The following LNPK variants were observed in gnomAD, a reference collection of about 807,000 sequenced individuals.
The protein encoded by LNPK is lunapark, ER junction formation factor, also known as endoplasmic reticulum junction formation protein lunapark.
LNPK carries 29 observed loss-of-function variants against 55.2 expected under a neutral mutation model. The observed-to-expected ratio is 0.53, with a 90% confidence interval of 0.39 to 0.72. LNPK has a LOEUF of 0.72. Among genes scored for constraint, LNPK ranks in the 30% least tolerant of loss-of-function variants. LNPK has a pLI of 0.00. For missense variants in LNPK, 467 were observed against 494.8 expected (o/e 0.94, Z 0.53); for synonymous variants, 162 against 168.2 (o/e 0.96, Z 0.29).
At chr2:175,978,544 G>C (rs367768333) in intron 5 of LNPK, among the ~76,000 whole-genome samples, 53 of 152,204 alleles carry the variant, frequency 3.5e-4, no homozygotes, top group African/African-American at 1.1e-3. Flanking sequence ...TTTGGTAGGA[G>C]GCAGGTATTA....
intron 4 of LNPK, 122 bp from the exon 5 acceptor site, chr2:175,979,990 G>A (rs1328183720): frequency 5.6e-6 from 5 of 892,448 alleles, no homozygotes; most frequent in Non-Finnish European, 6.5e-6. Flanking sequence ...TTTATATACA[G>A]AAAACTAAAA....
intron 4 of LNPK, among the ~76,000 whole-genome samples, chr2:175,989,054 C>T (rs1024696356): frequency 3.3e-5 from 5 of 152,118 alleles, no homozygotes; most frequent in Non-Finnish European, 7.4e-5. Context: ...GGATTACAGG[C>T]GTGAGCCACC....
intron 5 of LNPK, 91 bp from the exon 6 acceptor site, chr2:175,970,895 T>G: frequency 1.7e-6 from 2 of 1,152,374 alleles, no homozygotes; most frequent in Non-Finnish European, 2.3e-6. Context: ...ACAAGAAAAC[T>G]TTCTTATTTT....
At position 175,926,665 on chromosome 2, in the gene LNPK, G is replaced by A. The variant is rs1415235217; in HGVS notation, c.*3302C>T. The A allele has an allele frequency of 2.0e-5, 3 of 152,176 alleles. No individual in the cohort carries two copies. The highest frequency in any genetic ancestry group is 7.2e-5 in the African/African-American group (3 of 41,418). The allele number at this position is 152,176 out of a possible 1,614,324, so 9.4% of individuals were successfully genotyped here. On this transcript the variant is annotated 3_prime_UTR_variant, in exon 13 of 13. Coordinates refer to ENST00000272748, the MANE Select transcript of LNPK (RefSeq NM_030650.3). ...ATAATATATATACAGCAGTTAGCAT[G>A]TTGCCTGGCACAGAATAAGAATGCA...
chr2:175,938,431 G>T, intron 10 of LNPK, 48 bp from the exon 11 acceptor site: 1 of 1,035,464 alleles, frequency 9.7e-7, no homozygotes, highest in Non-Finnish European at 1.4e-6. Flanking sequence ...TGCAAACAAA[G>T]CTCATGACAG....
At chr2:175,952,674 C>T (rs1685482260) in intron 8 of LNPK, among the ~76,000 whole-genome samples, 1 of 151,320 alleles carries the variant, frequency 6.6e-6, no homozygotes, top group Admixed American at 6.6e-5. Context: ...CTCTTCCTTC[C>T]TATAGAGGCA....
At chr2:175,949,813 G>A (rs1685314410) in intron 8 of LNPK, among the ~76,000 whole-genome samples, 1 of 152,156 alleles carries the variant, frequency 6.6e-6, no homozygotes, top group South Asian at 2.1e-4. Flanking sequence ...CAAGTATCAA[G>A]GGTTACAATA....
chr2:175,929,763 A>G lies in LNPK; in HGVS notation c.*204T>C, dbSNP rs2105505721. ...TGTGGGTCTTTGTACATTCAAAAGGATCTTACTTCACTGATATAACTTGCT... is the reference window on the plus strand; with the variant it reads ...TGTGGGTCTTTGTACATTCAAAAGGGTCTTACTTCACTGATATAACTTGCT... On this transcript the variant is annotated 3_prime_UTR_variant, in exon 13 of 13. Coordinates refer to ENST00000272748, the MANE Select transcript of LNPK (RefSeq NM_030650.3). The G allele has an allele frequency of 1.4e-6, 2 of 1,412,052 alleles. No individual in the cohort carries two copies. The highest frequency in any genetic ancestry group is 3.3e-5 in the South Asian group (2 of 61,234). The allele number at this position is 1,412,052 out of a possible 1,614,324, so 87.5% of individuals were successfully genotyped here.
intron 1 of LNPK, among the ~76,000 whole-genome samples, chr2:175,999,817 G>C (rs145600163): frequency 6.6e-6 from 1 of 152,256 alleles, no homozygotes; most frequent in African/African-American, 2.4e-5. Context: ...CCAGGCTGGA[G>C]TGCAGTGGCA....
intron 4 of LNPK, among the ~76,000 whole-genome samples, chr2:175,987,546 A>G (rs543024931): frequency 2.0e-5 from 3 of 152,262 alleles, no homozygotes; most frequent in African/African-American, 7.2e-5. Context: ...GCAGGGAGGG[A>G]TAGCATTAGG....
chr2:175,969,100 A>G (rs531041414), intron 6 of LNPK, among the ~76,000 whole-genome samples: 172 of 152,330 alleles, frequency 1.1e-3, no homozygotes, highest in African/African-American at 3.8e-3. Flanking sequence ...TCAAGATCAC[A>G]AACTAGTTCG....
At position 175,928,445 on chromosome 2, in the gene LNPK, T is replaced by C. The variant is rs1684107034; in HGVS notation, c.*1522A>G. ...CTACAGACCTGAAATTTAAGCCCAA[T>C]ACGGCAGGCTCAAAAACTCTGGTTA... On this transcript the variant is annotated 3_prime_UTR_variant, in exon 13 of 13. Transcript: ENST00000272748. 7.3e-6 allele frequency: 1 copy of C among 137,754 alleles called. No homozygotes were observed. Among genetic ancestry groups the C allele is most frequent in the East Asian group, 2.2e-4 (1 of 4,584 alleles). The allele number at this position is 137,754 out of a possible 1,614,324, so 8.5% of individuals were successfully genotyped here. A position where few individuals can be genotyped will look rare whatever the true frequency, so the allele number is the denominator to read the frequency against.
intron 12 of LNPK, chr2:175,935,870 T>C (rs1166469954): frequency 5.0e-6 from 1 of 198,680 alleles, no homozygotes; most frequent in African/African-American, 2.4e-5. Flanking sequence ...AGACAGAAAG[T>C]ATGGGACTCA....
chr2:175,996,809 T>C (rs559965806), intron 1 of LNPK, among the ~76,000 whole-genome samples: 4 of 152,206 alleles, frequency 2.6e-5, no homozygotes, highest in Non-Finnish European at 4.4e-5. Flanking sequence ...TGTTTTATAA[T>C]AGACTCAACA....
chr2:175,983,441 C>T (rs113493628), intron 4 of LNPK, among the ~76,000 whole-genome samples: 8 of 152,226 alleles, frequency 5.3e-5, no homozygotes, highest in African/African-American at 1.7e-4. Context: ...TATACCAACA[C>T]GACCTATAAA....
rs141123868 is a variant in LNPK, at chr2:175,967,970, C to T, written c.357+2794G>A. On this transcript the variant is annotated intron_variant, in intron 6 of 12. Transcript: ENST00000272748. ...CCAAAACTTATTTCATGGAATATCA[C>T]GCACAGGATTTGTACAAAATATACT... is the stretch of plus-strand genomic sequence containing the variant. Among the ~76,000 whole-genome samples, 160 of 152,216 alleles carry T rather than the reference C, an allele frequency of 1.1e-3. 1 individual carries two copies. The highest frequency in any genetic ancestry group is 3.4e-3 in the African/African-American group (142 of 41,552).
intron 9 of LNPK, among the ~76,000 whole-genome samples, chr2:175,947,274 A>C (rs534359502): frequency 5.6e-4 from 85 of 152,330 alleles, no homozygotes; most frequent in African/African-American, 2.0e-3. Flanking sequence ...TAACAGTTAA[A>C]TGAGCTCAAG....
chr2:175,993,129 T>C, intron 3 of LNPK, 53 bp downstream of exon 3: 1 of 1,120,814 alleles, frequency 8.9e-7, no homozygotes, highest in Non-Finnish European at 1.3e-6. Flanking sequence ...ACTACAATAA[T>C]ATTTACTTAA....
chr2:175,991,957 G>A (rs1187519787), intron 4 of LNPK, among the ~76,000 whole-genome samples: 1 of 152,052 alleles, frequency 6.6e-6, no homozygotes, highest in Non-Finnish European at 1.5e-5. Flanking sequence ...TGCCCTTCGG[G>A]GAGCATGGTC....
Sources: gnomAD v4.1 joint callset for allele counts (sites outside exome capture counted in the v4.1 genomes callset) on GRCh38, gnomAD v4.1.1 for gene constraint, MANE v1.5 for transcripts, NCBI Gene and HGNC (gene_info 2026-07-23, HGNC 2026-07-21) for gene names.